LMBRD2: variants seen among roughly 807,000 people sequenced by gnomAD.
LMBRD2 encodes the protein LMBR1 domain containing 2, also known as G protein-coupled receptor-associated protein LMBRD2.
A neutral mutation model predicts 94.4 loss-of-function variants in LMBRD2; 55 were observed. The ratio of observed to expected loss-of-function variants is 0.58; its 90% confidence interval spans 0.47 to 0.73. LMBRD2 has a LOEUF of 0.73. Among genes scored for constraint, LMBRD2 ranks in the 30% least tolerant of loss-of-function variants. The probability of loss-of-function intolerance (pLI) is 0.00; values close to 1 mark genes in which losing one functional copy is unlikely to be tolerated. For missense variants in LMBRD2, 640 were observed against 831.9 expected (o/e 0.77, Z 2.84); for synonymous variants, 246 against 272.4 (o/e 0.90, Z 0.95).
intron 6 of LMBRD2, among the ~76,000 whole-genome samples, chr5:36,126,709 T>C (rs915459713): frequency 6.6e-6 from 1 of 152,118 alleles, no homozygotes; most frequent in African/African-American, 2.4e-5. Flanking sequence ...GACACACAAA[T>C]GCATATATCA....
chr5:36,106,282 A>G (rs1743464866), intron 16 of LMBRD2, among the ~76,000 whole-genome samples: 1 of 152,102 alleles, frequency 6.6e-6, no homozygotes, highest in South Asian at 2.1e-4. Context: ...AAGTCCTTCA[A>G]ATAAATCCTT....
rs1744434319 is a variant in LMBRD2 at position 36,142,498 on chromosome 5, A to G, written c.272+4T>C. On this transcript the variant is annotated splice_donor_region_variant and intron_variant, in intron 3 of 17. Transcript: ENST00000296603. ...TTATATATTTTTTTTAAAAAAGGAA[A>G]TACCTTGGAACAGGGTTAGCAGTTG... 1.9e-6 allele frequency: 3 copies of G among 1,543,298 alleles called. No individual in the cohort carries two copies. Among genetic ancestry groups the G allele is most frequent in the Non-Finnish European group, 2.7e-6 (3 of 1,119,372 alleles).
rs1743381186 is a variant in LMBRD2, at chr5:36,103,144, T to C, written c.*902A>G. 6.6e-6 allele frequency: 1 copy of C among 152,198 alleles called. No homozygotes were observed. The highest frequency in any genetic ancestry group is 2.1e-4 in the South Asian group (1 of 4,826). 9.4% of individuals were successfully genotyped at this position (152,198 alleles called of 1,614,324 possible). On this transcript the variant is annotated 3_prime_UTR_variant, in exon 18 of 18. Coordinates refer to ENST00000296603, the MANE Select transcript of LMBRD2 (RefSeq NM_001007527.2). ...CACTTTTTACCTTTGAATAACCAGT[T>C]TTTTTCTCAAAAAGTATAAGCAGGT...
At chr5:36,128,262 C>T (rs955352723) in intron 6 of LMBRD2, among the ~76,000 whole-genome samples, 2 of 152,196 alleles carry the variant, frequency 1.3e-5, no homozygotes, top group African/African-American at 4.8e-5. Flanking sequence ...TTACAATACC[C>T]AAGTCCCTTC....
At chr5:36,149,905 C>T (rs1744647780) in intron 1 of LMBRD2, among the ~76,000 whole-genome samples, 1 of 151,986 alleles carries the variant, frequency 6.6e-6, no homozygotes, top group South Asian at 2.1e-4. Context: ...GAAATTTCTT[C>T]TCAAAAAATA....
chr5:36,133,882 A>G (rs1744210286), intron 6 of LMBRD2, among the ~76,000 whole-genome samples: 1 of 152,182 alleles, frequency 6.6e-6, no homozygotes, highest in Admixed American at 6.5e-5. Flanking sequence ...GGGAAAATCC[A>G]TAACTCAAAT....
chr5:36,138,721 A>T (rs1027005461), intron 4 of LMBRD2, among the ~76,000 whole-genome samples: 9 of 152,238 alleles, frequency 5.9e-5, no homozygotes, highest in Admixed American at 3.3e-4. Context: ...AAAAGTTTCT[A>T]AAAAAATTTA....
chr5:36,136,574 G>A (rs1744277380), intron 5 of LMBRD2, 55 bp from the exon 6 acceptor site: 2 of 1,437,884 alleles, frequency 1.4e-6, no homozygotes, highest in South Asian at 1.2e-5. Context: ...GATAAAATGC[G>A]ACTGCATAAA....
rs1289272215 is a variant in LMBRD2 at position 36,122,407 on chromosome 5, C to G, written c.993G>C (p.Leu331Phe). ...RRTQVQWQILLEQAFYLEDVA... is the reference protein window; with the variant it reads ...RRTQVQWQILFEQAFYLEDVA... ...CATCTTCTAGATAAAATGCTTGTTC[C>G]AAAAGAATCTGCCATTGTACTTGAG... Residue 331 changes from leucine to phenylalanine, a missense_variant, in exon 9 of 18, where the codon TTG becomes TTC. By Grantham distance (22) the Leu-to-Phe change is conservative. Transcript: ENST00000296603. The G allele has an allele frequency of 6.2e-7, 1 of 1,613,316 alleles. No homozygotes were observed. The highest frequency in any genetic ancestry group is 2.2e-5 in the East Asian group (1 of 44,834).
rs1743310796 is a variant in LMBRD2 at position 36,099,817 on chromosome 5, CCTTG to C, written c.*4225_*4228del. 2 of 151,976 alleles carry C rather than the reference CCTTG, an allele frequency of 1.3e-5. No individual in the cohort carries two copies. The highest frequency in any genetic ancestry group is 4.8e-5 in the African/African-American group (2 of 41,374). 9.4% of individuals were successfully genotyped at this position (151,976 alleles called of 1,614,324 possible). On this transcript the variant is annotated 3_prime_UTR_variant, in exon 18 of 18. Coordinates refer to ENST00000296603, the MANE Select transcript of LMBRD2 (RefSeq NM_001007527.2). ...GATGAGAAGAGGAACATGCCAATAT[CCTTG>C]CTTTATTAACAGATTTAAAATTTAC...
intron 5 of LMBRD2, among the ~76,000 whole-genome samples, chr5:36,137,051 G>C (rs1480752445): frequency 6.6e-6 from 1 of 151,994 alleles, no homozygotes; most frequent in African/African-American, 2.4e-5. Flanking sequence ...ATAGCCATTA[G>C]ACTAATCATT....
chr5:36,106,706 C>G (rs1743481035), intron 16 of LMBRD2, among the ~76,000 whole-genome samples: 1 of 151,842 alleles, frequency 6.6e-6, no homozygotes, highest in African/African-American at 2.4e-5. Context: ...GATGGCGTTT[C>G]ACCATGTTGG....
At chr5:36,146,943 TG>T (rs1744561623) in intron 1 of LMBRD2, among the ~76,000 whole-genome samples, 2 of 22,672 alleles carry the variant, frequency 8.8e-5, no homozygotes, top group Non-Finnish European at 2.6e-4. Flanking sequence ...TGTGTGTGAG[TG>T]TGTGTGTGTG....
chr5:36,138,844 T>A (rs1042290120), intron 4 of LMBRD2, among the ~76,000 whole-genome samples: 4 of 152,224 alleles, frequency 2.6e-5, no homozygotes, highest in African/African-American at 9.6e-5. Flanking sequence ...TTCGTTGAAA[T>A]TGAAAGCTAC....
At chr5:36,143,133 A>T in intron 2 of LMBRD2, 43 bp downstream of exon 2, 1 of 1,348,568 alleles carries the variant, frequency 7.4e-7, no homozygotes, top group Non-Finnish European at 1.0e-6. Flanking sequence ...CTGTATGATT[A>T]AAATTTGTCT....
Position 36,122,416 on chromosome 5 carries a change from C to G in LMBRD2, c.984G>C (p.Gln328His). The G allele has an allele frequency of 6.2e-7, 1 of 1,613,572 alleles. No individual in the cohort carries two copies. Among genetic ancestry groups the G allele is most frequent in the African/African-American group, 1.3e-5 (1 of 75,020 alleles). The change falls in exon 9 of 18, where the codon CAG (glutamine) becomes CAC (histidine). Residue 328 changes from glutamine to histidine, a missense_variant. By Grantham distance (24) the Gln-to-His change is conservative. Transcript: ENST00000296603. ...GATAAAATGCTTGTTCCAAAAGAAT[C>G]TGCCATTGTACTTGAGTTCGACGGT... ...QRHRRTQVQW[Q>H]ILLEQAFYLE...
At chr5:36,120,015 C>A (rs372402424) in intron 9 of LMBRD2, among the ~76,000 whole-genome samples, 2 of 150,206 alleles carry the variant, frequency 1.3e-5, no homozygotes. Context: ...CTTTCTTTCT[C>A]TCTTTCTTTC....
At chr5:36,122,587 G>C in intron 8 of LMBRD2, 124 bp from the exon 9 acceptor site, 1 of 905,078 alleles carries the variant, frequency 1.1e-6, no homozygotes, top group East Asian at 2.7e-5. Flanking sequence ...ACTGGGTCAG[G>C]CTGAGAATAT....
chr5:36,107,294 T>C (rs892359892), intron 16 of LMBRD2, among the ~76,000 whole-genome samples: 1 of 152,236 alleles, frequency 6.6e-6, no homozygotes, highest in Non-Finnish European at 1.5e-5. Context: ...CAATTGGTTA[T>C]TTCAAAGTCA....
Sources: gnomAD v4.1 joint callset for allele counts (sites outside exome capture counted in the v4.1 genomes callset) on GRCh38, gnomAD v4.1.1 for gene constraint, MANE v1.5 for transcripts, NCBI Gene and HGNC (gene_info 2026-07-23, HGNC 2026-07-21) for gene names.